Variants in ASTN2 observed in about 807,000 individuals in gnomAD.
ASTN2 encodes the protein astrotactin 2, also known as astrotactin-2.
In ASTN2, 54 loss-of-function variants were observed where a neutral mutation model predicts 139.8. The observed-to-expected ratio is 0.39, with a 90% CI of 0.31 to 0.48. ASTN2 has a LOEUF of 0.48. ASTN2 is among the 20% of genes least tolerant of loss of function. ASTN2 has a pLI of 0.95. For synonymous variants in ASTN2, 756 were observed against 719.5 expected, an observed-to-expected ratio of 1.05 and a Z score of -0.81; for missense variants, 1,565 against 1,725.1, an observed-to-expected ratio of 0.91 and a Z score of 1.64.
chr9:117,021,596 A>G (rs1227559930), intron 6 of ASTN2, among the ~76,000 whole-genome samples: 1 of 152,162 alleles, frequency 6.6e-6, no homozygotes, highest in Admixed American at 6.5e-5. Context: ...TTTTTTATAA[A>G]CAGAGAGTCC....
At chr9:116,636,319 A>G (rs950386604) in intron 17 of ASTN2, among the ~76,000 whole-genome samples, 10 of 152,224 alleles carry the variant, frequency 6.6e-5, no homozygotes, top group African/African-American at 2.4e-4. Flanking sequence ...CTCTAAGGCA[A>G]CGGAAATAGC....
chr9:117,066,084 T>C (rs1461045431), intron 5 of ASTN2, among the ~76,000 whole-genome samples: 6 of 148,846 alleles, frequency 4.0e-5, no homozygotes, highest in Non-Finnish European at 3.0e-5. Context: ...TAGTTACATA[T>C]GTATACATGT....
intron 2 of ASTN2, among the ~76,000 whole-genome samples, chr9:117,229,368 G>A (rs900361281): frequency 2.0e-5 from 3 of 152,110 alleles, no homozygotes; most frequent in South Asian, 2.1e-4. Context: ...ACATTCCCTC[G>A]GGTTGTACAT....
At chr9:116,571,726 G>A (rs1037300294) in intron 19 of ASTN2, among the ~76,000 whole-genome samples, 1 of 152,206 alleles carries the variant, frequency 6.6e-6, no homozygotes, top group Non-Finnish European at 1.5e-5. Flanking sequence ...AGTACAAGCT[G>A]TGTGTTGTCT....
intron 5 of ASTN2, among the ~76,000 whole-genome samples, chr9:117,073,820 C>A (rs1403878814): frequency 6.6e-6 from 1 of 152,106 alleles, no homozygotes; most frequent in Non-Finnish European, 1.5e-5. Context: ...AAAAGTGATA[C>A]CAAACTGGAG....
At chr9:117,027,687 C>A (rs1838127411) in intron 6 of ASTN2, among the ~76,000 whole-genome samples, 1 of 152,206 alleles carries the variant, frequency 6.6e-6, no homozygotes, top group Non-Finnish European at 1.5e-5. Flanking sequence ...GTGGAAAAGA[C>A]TCCAAGCTTC....
chr9:116,494,301 T>C (rs1324747797), intron 19 of ASTN2, among the ~76,000 whole-genome samples: 1 of 152,136 alleles, frequency 6.6e-6, no homozygotes, highest in Non-Finnish European at 1.5e-5. Flanking sequence ...GATGATCCTA[T>C]CAATTTCAGA....
chr9:117,412,848 G>A (rs1234312162), intron 1 of ASTN2, among the ~76,000 whole-genome samples: 4 of 152,212 alleles, frequency 2.6e-5, no homozygotes, highest in Non-Finnish European at 5.9e-5. Context: ...GTGAGCCTGA[G>A]GTTAGTCCGG....
intron 19 of ASTN2, among the ~76,000 whole-genome samples, chr9:116,548,349 C>A (rs1243706863): frequency 6.6e-6 from 1 of 152,188 alleles, no homozygotes; most frequent in African/African-American, 2.4e-5. Context: ...CTGGACATGA[C>A]CCTGACCAGC....
intron 19 of ASTN2, among the ~76,000 whole-genome samples, chr9:116,504,020 A>T (rs1201959991): frequency 2.0e-5 from 3 of 152,212 alleles, no homozygotes; most frequent in Admixed American, 1.3e-4. Context: ...AAGGACCCAA[A>T]ACCATGGGGA....
intron 13 of ASTN2, among the ~76,000 whole-genome samples, chr9:116,752,926 T>G (rs1239006230): frequency 6.6e-6 from 1 of 152,186 alleles, no homozygotes; most frequent in Non-Finnish European, 1.5e-5. Flanking sequence ...GAATGCAAAA[T>G]GGTACAGCCA....
chr9:116,629,112 CTTTTTTTT>C (rs57200909), intron 17 of ASTN2, among the ~76,000 whole-genome samples: 1 of 100,510 alleles, frequency 9.9e-6, no homozygotes, highest in African/African-American at 4.4e-5. Flanking sequence ...TCCAGTAACT[CTTTTTTTT>C]TTTTTTTTTT....
intron 6 of ASTN2, among the ~76,000 whole-genome samples, chr9:117,017,804 G>A (rs1170622646): frequency 6.6e-6 from 1 of 151,870 alleles, no homozygotes; most frequent in Non-Finnish European, 1.5e-5. Context: ...TATACAATTG[G>A]TAATTGTGTA....
At chr9:116,648,399 T>C (rs1588138984) in intron 17 of ASTN2, among the ~76,000 whole-genome samples, 1 of 152,266 alleles carries the variant, frequency 6.6e-6, no homozygotes. Flanking sequence ...CCCAAAGTGC[T>C]GGGATTACAG....
At chr9:116,883,855 G>A (rs1045510568) in intron 10 of ASTN2, among the ~76,000 whole-genome samples, 4 of 152,224 alleles carry the variant, frequency 2.6e-5, no homozygotes, top group African/African-American at 9.6e-5. Context: ...TTCATTCAGA[G>A]CTTCTGGATT....
chr9:117,201,909 T>A (rs1831735602), intron 3 of ASTN2, among the ~76,000 whole-genome samples: 1 of 152,198 alleles, frequency 6.6e-6, no homozygotes, highest in African/African-American at 2.4e-5. Flanking sequence ...ATTTTCTGTC[T>A]CGTTGATCTG....
chr9:116,704,157 C>T (rs803919), intron 16 of ASTN2, among the ~76,000 whole-genome samples: 126,117 of 152,122 alleles, frequency 0.83, 53,902 homozygotes, highest in East Asian at 0.97. Flanking sequence ...ATCACCATAC[C>T]TCTGAGCCTC....
intron 20 of ASTN2, among the ~76,000 whole-genome samples, chr9:116,462,788 A>ATGTGTGTGTGTGTGTGTGTGTGTGTG (rs55926547): frequency 2.1e-5 from 3 of 146,092 alleles, no homozygotes; most frequent in African/African-American, 7.7e-5. Context: ...TTGGGTGAGC[A>ATGTGTGTGTGTGTGTGTGTGTGTGTG]TGTGTGTGTG....
At chr9:117,134,216 C>G (rs116049919) in intron 4 of ASTN2, among the ~76,000 whole-genome samples, 3 of 147,248 alleles carry the variant, frequency 2.0e-5, no homozygotes, top group Admixed American at 6.8e-5. Flanking sequence ...GCTAATGTTT[C>G]TATTTTCTTC....
Sources: gnomAD v4.1 joint callset for allele counts (sites outside exome capture counted in the v4.1 genomes callset) on GRCh38, gnomAD v4.1.1 for gene constraint, MANE v1.5 for transcripts, NCBI Gene and HGNC (gene_info 2026-07-23, HGNC 2026-07-21) for gene names.